The following FHIT variants were observed in gnomAD, a reference collection of about 807,000 sequenced individuals.
FHIT encodes the protein fragile histidine triad diadenosine triphosphatase.
A neutral mutation model predicts 17.9 loss-of-function variants in FHIT; 19 were observed. The ratio of observed to expected loss-of-function variants is 1.06; its 90% CI spans 0.74 to 1.56. The LOEUF is 1.56. Among genes scored for constraint, FHIT ranks in the 40% most tolerant of loss-of-function variants. The pLI is 0.00. For synonymous variants in FHIT, 81 were observed against 69.7 expected (o/e 1.16, Z -0.81); for missense variants, 248 against 189.2 (o/e 1.31, Z -1.82).
intron 1 of FHIT, among the ~76,000 whole-genome samples, chr3:61,218,560 G>GA (rs1560088169): frequency 6.6e-6 from 1 of 152,052 alleles, no homozygotes; most frequent in African/African-American, 2.4e-5. Context: ...TTTTTAAACA[G>GA]AAAAAAGGCC....
intron 4 of FHIT, among the ~76,000 whole-genome samples, chr3:60,619,776 A>T (rs1173423987): frequency 6.6e-6 from 1 of 152,162 alleles, no homozygotes; most frequent in Non-Finnish European, 1.5e-5. Flanking sequence ...CTTTTTATAT[A>T]TAATACCAAA....
intron 5 of FHIT, among the ~76,000 whole-genome samples, chr3:60,374,213 A>G (rs1234876268): frequency 6.6e-6 from 1 of 152,216 alleles, no homozygotes; most frequent in Non-Finnish European, 1.5e-5. Context: ...GAGAATTAAT[A>G]GTTTAATTAT....
At chr3:60,894,677 CA>C (rs55641632) in intron 3 of FHIT, among the ~76,000 whole-genome samples, 75,643 of 150,198 alleles carry the variant, frequency 0.5, 19,300 homozygotes, top group African/African-American at 0.55. Flanking sequence ...CAAAACAAAA[CA>C]AAAAAAAACA....
chr3:59,873,000 C>T lies in FHIT; in HGVS notation c.348+49346G>A, dbSNP rs914210738. ...ATCTAGAAGCAGCCCTGCTCACCTT[C>T]ATCTCCTTCACAGCCTGAACTGAGT... On this transcript the variant is annotated intron_variant, in intron 8 of 9. Coordinates refer to ENST00000492590, the MANE Select transcript of FHIT (RefSeq NM_002012.4). Among the ~76,000 whole-genome samples the T allele has an allele frequency of 3.9e-5, 6 of 152,364 alleles. No homozygotes were observed. In the South Asian group the frequency reaches 1.2e-3, roughly 32 times the overall value.
chr3:61,004,969 C>G (rs1037568464), intron 3 of FHIT, among the ~76,000 whole-genome samples: 2 of 152,108 alleles, frequency 1.3e-5, no homozygotes, highest in Non-Finnish European at 2.9e-5. Flanking sequence ...TAGCAATTAT[C>G]TATGCCTCCC....
intron 3 of FHIT, among the ~76,000 whole-genome samples, chr3:60,823,941 A>C (rs972237037): frequency 1.3e-5 from 2 of 152,180 alleles, no homozygotes; most frequent in Admixed American, 6.5e-5. Context: ...TGTATGTTAG[A>C]ACAGCAGGGA....
At chr3:60,905,372 T>A (rs1337301138) in intron 3 of FHIT, among the ~76,000 whole-genome samples, 1 of 152,236 alleles carries the variant, frequency 6.6e-6, no homozygotes, top group Non-Finnish European at 1.5e-5. Flanking sequence ...GTATAACCTG[T>A]GTAAAGGGAA....
chr3:60,826,319 GTTTTGTTTTGTTTTGT>G (rs1702121652), intron 3 of FHIT, among the ~76,000 whole-genome samples: 1 of 149,704 alleles, frequency 6.7e-6, no homozygotes, highest in Non-Finnish European at 1.5e-5. Flanking sequence ...GTTTTGTTTT[GTTTTGTTTTGTTTTGT>G]TTTGTTTTGA....
At chr3:61,048,934 T>C (rs1327874528) in intron 2 of FHIT, among the ~76,000 whole-genome samples, 1 of 151,810 alleles carries the variant, frequency 6.6e-6, no homozygotes, top group African/African-American at 2.4e-5. Flanking sequence ...ATGTGATCAC[T>C]TGGACACAAG....
chr3:60,099,208 T>C (rs557161406), intron 5 of FHIT, among the ~76,000 whole-genome samples: 7 of 152,198 alleles, frequency 4.6e-5, no homozygotes, highest in Admixed American at 2.0e-4. Flanking sequence ...CCTCAAAGGC[T>C]CTCCCTTTGC....
At chr3:60,530,896 C>T (rs1323787216) in intron 5 of FHIT, among the ~76,000 whole-genome samples, 1 of 152,110 alleles carries the variant, frequency 6.6e-6, no homozygotes, top group Non-Finnish European at 1.5e-5. Context: ...TAGCTGGTGG[C>T]CATGTACTCT....
At chr3:60,169,258 A>G (rs564906010) in intron 5 of FHIT, among the ~76,000 whole-genome samples, 123 of 152,324 alleles carry the variant, frequency 8.1e-4, no homozygotes, top group South Asian at 1.0e-3. Context: ...CCAATGAAAC[A>G]AAAGGAATAT....
At chr3:59,861,390 C>T (rs765641840) in intron 8 of FHIT, among the ~76,000 whole-genome samples, 1 of 152,166 alleles carries the variant, frequency 6.6e-6, no homozygotes, top group Non-Finnish European at 1.5e-5. Context: ...CAAACTCACA[C>T]AGAAACATTT....
At chr3:59,938,067 T>G (rs1706329165) in intron 7 of FHIT, among the ~76,000 whole-genome samples, 1 of 152,158 alleles carries the variant, frequency 6.6e-6, no homozygotes, top group African/African-American at 2.4e-5. Flanking sequence ...CATATTACCT[T>G]TGAAATCACC....
chr3:60,567,113 A>G (rs2037166051), intron 4 of FHIT, among the ~76,000 whole-genome samples: 1 of 151,864 alleles, frequency 6.6e-6, no homozygotes, highest in Non-Finnish European at 1.5e-5. Flanking sequence ...AAACTACTTT[A>G]AAGTTCTTAT....
intron 5 of FHIT, among the ~76,000 whole-genome samples, chr3:60,170,734 C>G (rs1024350942): frequency 6.6e-6 from 1 of 152,100 alleles, no homozygotes; most frequent in African/African-American, 2.4e-5. Context: ...AACATTCTCC[C>G]ATATCTATCT....
intron 4 of FHIT, among the ~76,000 whole-genome samples, chr3:60,786,768 C>T (rs1313619081): frequency 2.0e-5 from 3 of 152,040 alleles, no homozygotes; most frequent in African/African-American, 7.2e-5. Context: ...CAGGGCCTGT[C>T]ACAAAGTAGG....
At chr3:61,180,654 T>A (rs2038310177) in intron 2 of FHIT, among the ~76,000 whole-genome samples, 1 of 152,228 alleles carries the variant, frequency 6.6e-6, no homozygotes, top group African/African-American at 2.4e-5. Flanking sequence ...TGAATAAAAC[T>A]GATGCTACCT....
At chr3:60,413,331 G>T (rs1450345706) in intron 5 of FHIT, among the ~76,000 whole-genome samples, 1 of 152,110 alleles carries the variant, frequency 6.6e-6, no homozygotes, top group Non-Finnish European at 1.5e-5. Context: ...GAGTTAGGGT[G>T]AGTAAGAGGG....
Sources: gnomAD v4.1 joint callset for allele counts (sites outside exome capture counted in the v4.1 genomes callset) on GRCh38, gnomAD v4.1.1 for gene constraint, MANE v1.5 for transcripts, NCBI Gene and HGNC (gene_info 2026-07-23, HGNC 2026-07-21) for gene names.